The following LRTM3 variants were observed in gnomAD, a reference collection of about 807,000 sequenced individuals.
LRTM3 encodes the protein leucine-rich repeat transmembrane protein 3.
chr13:102,747,984 G>A, the LRTM3 span: 1 of 1,550,978 alleles, frequency 6.4e-7, no homozygotes, highest in Non-Finnish European at 8.7e-7. Context: ...TCACATTGTT[G>A]TGGCTTTTTA....
chr13:102,755,939 ATACATATATATATATATATATATT>A, the LRTM3 span, among the ~76,000 whole-genome samples: 12 of 87,130 alleles, frequency 1.4e-4, no homozygotes, highest in South Asian at 3.9e-4. Flanking sequence ...GTGTATATAT[ATACATATATATATATATATATATT>A]TTTTTTTTTT....
the LRTM3 span, chr13:102,730,512 T>A: frequency 6.4e-7 from 1 of 1,551,678 alleles, no homozygotes; most frequent in Non-Finnish European, 8.7e-7. Flanking sequence ...TATTGTTTGT[T>A]TTTTTCTGGA....
At chr13:102,748,808 G>C in the LRTM3 span, 1 of 1,550,492 alleles carries the variant, frequency 6.4e-7, no homozygotes, top group Non-Finnish European at 8.7e-7. Context: ...GACCATGAAG[G>C]ATTGTTCTAG....
chr13:102,732,707 C>T, the LRTM3 span: 1 of 1,551,158 alleles, frequency 6.4e-7, no homozygotes, highest in Non-Finnish European at 8.7e-7. Flanking sequence ...CATTCTTCCT[C>T]TCTCCTTCTC....
the LRTM3 span, chr13:102,749,831 A>C: frequency 6.4e-7 from 1 of 1,551,306 alleles, no homozygotes; most frequent in South Asian, 1.2e-5. Flanking sequence ...AGAAATAACC[A>C]TTCCAACAGA....
the LRTM3 span, chr13:102,739,406 T>G: frequency 4.5e-6 from 7 of 1,550,466 alleles, no homozygotes; most frequent in Middle Eastern, 1.7e-4. Context: ...TCTTCTGGCA[T>G]TTGATGATGC....
chr13:102,741,889 C>CG, the LRTM3 span: 1 of 1,550,250 alleles, frequency 6.5e-7, no homozygotes, highest in Non-Finnish European at 8.7e-7. Context: ...TAATCCTTAA[C>CG]GGTCCAATAT....
the LRTM3 span, chr13:102,749,028 A>G: frequency 9.0e-6 from 14 of 1,550,830 alleles, no homozygotes; most frequent in East Asian, 9.8e-5. Flanking sequence ...TTTCTGGAAT[A>G]ATTTTTAACA....
chr13:102,736,230 T>G, the LRTM3 span: 10 of 1,548,958 alleles, frequency 6.5e-6, no homozygotes, highest in African/African-American at 1.4e-5. Flanking sequence ...TTTGTCAGAA[T>G]CACATGAGGA....
the LRTM3 span, chr13:102,732,418 G>A: frequency 6.4e-7 from 1 of 1,550,994 alleles, no homozygotes; most frequent in Non-Finnish European, 8.7e-7. Flanking sequence ...TTAAATATTT[G>A]GTGCTCAATT....
At chr13:102,738,731 CCTT>C in the LRTM3 span, 6 of 1,550,672 alleles carry the variant, frequency 3.9e-6, no homozygotes, top group Non-Finnish European at 4.4e-6. Context: ...GGCTTCCTCT[CCTT>C]CTATTGTGCC....
the LRTM3 span, chr13:102,749,694 T>G: frequency 6.4e-7 from 1 of 1,551,456 alleles, no homozygotes; most frequent in Non-Finnish European, 8.7e-7. Context: ...CTGGCTTTGC[T>G]CTCAGGCTGG....
chr13:102,751,363 AC>A, the LRTM3 span, among the ~76,000 whole-genome samples: 1 of 151,358 alleles, frequency 6.6e-6, no homozygotes, highest in Admixed American at 6.6e-5. Context: ...ACACACACAC[AC>A]ACACACACAC....
At chr13:102,745,268 A>C in the LRTM3 span, 4 of 1,550,886 alleles carry the variant, frequency 2.6e-6, no homozygotes, top group Admixed American at 7.9e-5. Flanking sequence ...TTCATCTTGA[A>C]GAAGGGTTTC....
chr13:102,734,649 C>T, the LRTM3 span: 66 of 1,550,854 alleles, frequency 4.3e-5, no homozygotes, highest in African/African-American at 4.3e-4. Context: ...ATATCACCAA[C>T]GACGGACTCT....
chr13:102,738,337 T>C, the LRTM3 span: 83 of 1,550,932 alleles, frequency 5.4e-5, no homozygotes, highest in East Asian at 2.0e-3. Flanking sequence ...TTTGGTGTGA[T>C]AGTTCTGGAA....
At chr13:102,729,518 A>G in the LRTM3 span, 1 of 1,485,004 alleles carries the variant, frequency 6.7e-7, no homozygotes, top group Non-Finnish European at 8.9e-7. Flanking sequence ...GGAACTCCAT[A>G]TATTCCAAGA....
the LRTM3 span, among the ~76,000 whole-genome samples, chr13:102,755,962 T>TACAC: frequency 1.8e-5 from 1 of 56,664 alleles, no homozygotes; most frequent in Non-Finnish European, 4.1e-5. Context: ...TATATATATA[T>TACAC]TTTTTTTTTT....
chr13:102,735,682 C>T, the LRTM3 span: 1 of 1,551,166 alleles, frequency 6.4e-7, no homozygotes, highest in Non-Finnish European at 8.7e-7. Context: ...CTGTGGGTTG[C>T]ACTGGTCCTT....
Sources: gnomAD v4.1 joint callset for allele counts (sites outside exome capture counted in the v4.1 genomes callset) on GRCh38, gnomAD v4.1.1 for gene constraint, MANE v1.5 for transcripts, NCBI Gene and HGNC (gene_info 2026-07-23, HGNC 2026-07-21) for gene names.